Variants in RAB11B observed in about 807,000 individuals in gnomAD.
The protein encoded by RAB11B is ras-related protein Rab-11B.
A neutral mutation model predicts 23.7 loss-of-function variants in RAB11B; 7 were observed. That is an observed-to-expected ratio of 0.29 (90% CI 0.17 to 0.55). The LOEUF is 0.55. Ranked by LOEUF, RAB11B falls within the 20% of genes least tolerant of loss-of-function variation. RAB11B has a pLI of 0.93. For missense variants in RAB11B, 189 were observed against 320.0 expected (o/e 0.59, Z 3.12); for synonymous variants, 138 against 132.0 (o/e 1.05, Z -0.31).
chr19:8,403,403 C>T lies in RAB11B; in HGVS notation c.512-10C>T, dbSNP rs1248299386. ...GGCTCACCCCACGTCCCCCTGTACCCCCTTTGCAGAGATCTACCGCATCGT... is the reference window on the plus strand; with the variant it reads ...GGCTCACCCCACGTCCCCCTGTACCTCCTTTGCAGAGATCTACCGCATCGT... On this transcript the variant is annotated splice_polypyrimidine_tract_variant and intron_variant, in intron 4 of 4. Transcript: ENST00000328024. The T allele has an allele frequency of 1.9e-6, 3 of 1,609,850 alleles. No individual in the cohort carries two copies. In the African/African-American group the frequency reaches 4.0e-5, roughly 22 times the overall value.
Position 8,401,637 on chromosome 19 carries a change from G to A in RAB11B, c.237-449G>A, listed in dbSNP as rs1056012394. ...CCTGACCTCGTGATCCACCTGCCTCGGCTTCCCAAAGTGCTGGGATTACAG... is the reference window on the plus strand; with the variant it reads ...CCTGACCTCGTGATCCACCTGCCTCAGCTTCCCAAAGTGCTGGGATTACAG... On this transcript the variant is annotated intron_variant, in intron 2 of 4. Transcript: ENST00000328024. Among the ~76,000 whole-genome samples, 9 of 151,958 alleles carry A rather than the reference G, an allele frequency of 5.9e-5. No individual in the cohort carries two copies. In the East Asian group the frequency reaches 1.2e-3, roughly 20 times the overall value.
At position 8,396,372 on chromosome 19, in the gene RAB11B, CA is replaced by C. The variant is rs1265458141; in HGVS notation, c.41-3490del. 2.0e-5 allele frequency among the ~76,000 whole-genome samples: 3 copies of C among 152,214 alleles called. No individual in the cohort carries two copies. The highest frequency in any genetic ancestry group is 4.4e-5 in the Non-Finnish European group (3 of 68,046). ...TCTTGGGTGTTTATTGTGTGCCAAG[CA>C]CTGTGCCAGGACCTGATTCCTGCCC... On this transcript the variant is annotated intron_variant, in intron 1 of 4. Transcript: ENST00000328024. This position sits in a 1 kb window ranked among gnomAD's most constrained non-coding sequence, Gnocchi z 5.0.
At chr19:8,401,198 A>G (rs996203970) in intron 2 of RAB11B, among the ~76,000 whole-genome samples, 1 of 152,002 alleles carries the variant, frequency 6.6e-6, no homozygotes, top group Non-Finnish European at 1.5e-5. Flanking sequence ...CTCCTGCCTC[A>G]GCCTCCTGAG....
intron 2 of RAB11B, 59 bp downstream of exon 2, chr19:8,400,117 G>T: frequency 6.4e-7 from 1 of 1,570,008 alleles, no homozygotes; most frequent in Non-Finnish European, 8.7e-7. Flanking sequence ...CTTGCAGCGC[G>T]TGGGCTTGGA....
Position 8,402,122 on chromosome 19 carries a change from C to T in RAB11B, c.273C>T (p.Tyr91=), listed in dbSNP as rs550984439. 29 of 1,607,034 alleles carry T rather than the reference C, an allele frequency of 1.8e-5. No individual in the cohort carries two copies. Among genetic ancestry groups the T allele is most frequent in the African/African-American group, 8.0e-5 (6 of 74,908 alleles). ...GTGCAGTGGGCGCCCTGCTGGTGTA[C>T]GACATCGCCAAGCACCTGACCTATG... The part of the protein sequence containing the change: ...YRGAVGALLV[Y]DIAKHLTYEN... The change falls in exon 3 of 5, where the codon TAC becomes TAT. Residue 91 remains tyrosine (Y), a synonymous_variant. Coordinates refer to ENST00000328024, the MANE Select transcript of RAB11B (RefSeq NM_004218.4).
intron 4 of RAB11B, among the ~76,000 whole-genome samples, chr19:8,403,092 A>G (rs1453058573): frequency 1.3e-5 from 2 of 152,194 alleles, no homozygotes. Flanking sequence ...CCCTGGCCCC[A>G]GTTCCTGGGG....
At chr19:8,391,536 C>T (rs1232455829) in intron 1 of RAB11B, among the ~76,000 whole-genome samples, 2 of 152,004 alleles carry the variant, frequency 1.3e-5, no homozygotes, top group Admixed American at 6.6e-5. Context: ...CCTTGTTTCT[C>T]AGCTGAGCCT....
At chr19:8,392,314 T>C (rs1568226846) in intron 1 of RAB11B, among the ~76,000 whole-genome samples, 1 of 152,196 alleles carries the variant, frequency 6.6e-6, no homozygotes, top group Admixed American at 6.5e-5. Context: ...GATTATTTCC[T>C]TGAAGTGCGT....
At chr19:8,399,315 C>T (rs1490833864) in intron 1 of RAB11B, among the ~76,000 whole-genome samples, 5 of 152,078 alleles carry the variant, frequency 3.3e-5, no homozygotes, top group African/African-American at 4.8e-5. Context: ...CTCGAACTCC[C>T]GACCTCAAGT....
In RAB11B at chr19:8,390,736, GC is replaced by G. The variant is rs1311863582; in HGVS notation, c.40+281del. On this transcript the variant is annotated intron_variant, in intron 1 of 4. Coordinates refer to ENST00000328024, the MANE Select transcript of RAB11B (RefSeq NM_004218.4). ...GGTGGGGCCCGGAGCGGTGGGAGAG[GC>G]TGTTAGGGCGGGGCCTCCGCAGGGG... 6.6e-5 allele frequency: 23 copies of G among 349,290 alleles called. No individual in the cohort carries two copies. In the East Asian group the frequency reaches 7.4e-4, roughly 11 times the overall value. The allele number at this position is 349,290 out of a possible 1,614,324, so 21.6% of individuals were successfully genotyped here.
intron 1 of RAB11B, among the ~76,000 whole-genome samples, chr19:8,399,452 C>T (rs963769475): frequency 1.3e-5 from 2 of 152,194 alleles, no homozygotes; most frequent in African/African-American, 2.4e-5. Flanking sequence ...AAAAGTAGTC[C>T]AGAGGTGAAG....
rs951547610 is a variant in RAB11B, at chr19:8,399,736, G to A, written c.41-127G>A. Reference sequence around the variant, plus strand: ...AGTGCCTGCAGGCCCTGGGCTCCAGGCATCTCTCGACTCCTCCACACCGTT... The same window carrying A: ...AGTGCCTGCAGGCCCTGGGCTCCAGACATCTCTCGACTCCTCCACACCGTT... On this transcript the variant is annotated intron_variant, in intron 1 of 4. Coordinates refer to ENST00000328024, the MANE Select transcript of RAB11B (RefSeq NM_004218.4). 17 of 1,033,832 alleles carry A rather than the reference G, an allele frequency of 1.6e-5. No individual in the cohort carries two copies. In the Admixed American group the frequency reaches 2.5e-4, roughly 15 times the overall value. 64.0% of individuals were successfully genotyped at this position (1,033,832 alleles called of 1,614,324 possible). A position where few individuals can be genotyped will look rare whatever the true frequency, so the allele number is the denominator to read the frequency against.
chr19:8,390,602 G>T, intron 1 of RAB11B, 146 bp downstream of exon 1: 4 of 847,736 alleles, frequency 4.7e-6, no homozygotes, highest in Non-Finnish European at 6.4e-6. Context: ...GGCCGGAGCC[G>T]ACCGGGCAGC....
Position 8,399,906 on chromosome 19 carries a change from G to A in RAB11B, c.84G>A (p.Leu28=). 3 of 1,614,218 alleles carry A rather than the reference G, an allele frequency of 1.9e-6. No individual in the cohort carries two copies. The highest frequency in any genetic ancestry group is 2.7e-5 in the African/African-American group (2 of 75,070). ...GDSGVGKSNL[L]SRFTRNEFNL... ...CAGGCGTGGGCAAGAGCAACCTGCT[G>A]TCGCGCTTCACCCGCAACGAGTTCA... is the stretch of plus-strand genomic sequence containing the variant. The change falls in exon 2 of 5, where the codon CTG becomes CTA. Residue 28 remains leucine (L), a synonymous_variant. Transcript: ENST00000328024.
intron 1 of RAB11B, among the ~76,000 whole-genome samples, chr19:8,395,408 C>T (rs1971389364): frequency 6.6e-6 from 1 of 151,898 alleles, no homozygotes; most frequent in Non-Finnish European, 1.5e-5. Context: ...ACCACCACAC[C>T]CGGCTAATTT....
chr19:8,395,946 C>T (rs1297870198), intron 1 of RAB11B, among the ~76,000 whole-genome samples: 1 of 152,200 alleles, frequency 6.6e-6, no homozygotes, highest in Non-Finnish European at 1.5e-5. Context: ...CAGGCGGTGG[C>T]TCCAGACAAG....
At chr19:8,394,791 G>A (rs890567504) in intron 1 of RAB11B, among the ~76,000 whole-genome samples, 1 of 152,230 alleles carries the variant, frequency 6.6e-6, no homozygotes, top group Admixed American at 6.5e-5. Context: ...TTATCTGGGC[G>A]TCGTGGTGCA....
intron 2 of RAB11B, 37 bp downstream of exon 2, chr19:8,400,095 CG>C: frequency 6.3e-7 from 1 of 1,598,230 alleles, no homozygotes; most frequent in Non-Finnish European, 8.6e-7. Flanking sequence ...CGCTGAGATT[CG>C]GGGGCGTGGG....
chr19:8,393,816 T>C (rs926374322), intron 1 of RAB11B, among the ~76,000 whole-genome samples: 3 of 152,122 alleles, frequency 2.0e-5, no homozygotes, highest in African/African-American at 7.2e-5. Context: ...GCCTGAGCAT[T>C]AGGGTCTGGG....
Sources: gnomAD v4.1 joint callset for allele counts (sites outside exome capture counted in the v4.1 genomes callset) on GRCh38, gnomAD v4.1.1 for gene constraint, Gnocchi (gnomAD v3.1) non-coding constraint, MANE v1.5 for transcripts, NCBI Gene and HGNC (gene_info 2026-07-23, HGNC 2026-07-21) for gene names.